The following SRGAP3 variants were observed in gnomAD, a reference collection of about 807,000 sequenced individuals.
SRGAP3 encodes the protein SLIT-ROBO Rho GTPase activating protein 3.
Under a neutral mutation model 121.1 loss-of-function variants are expected in SRGAP3, and 39 were observed. The observed-to-expected ratio is 0.32, with a 90% CI of 0.25 to 0.42. The LOEUF (loss-of-function observed/expected upper bound fraction) is 0.42. SRGAP3 is among the 10% of genes least tolerant of loss of function. The pLI, the probability that SRGAP3 is intolerant of heterozygous loss-of-function variation, is 1.00. For synonymous variants in SRGAP3, 601 were observed against 570.0 expected, an observed-to-expected ratio of 1.05 and a Z score of -0.77; for missense variants, 1,213 against 1,470.6, an observed-to-expected ratio of 0.82 and a Z score of 2.86.
At position 8,981,176 on chromosome 3, in the gene SRGAP3, C is replaced by A. The variant is rs1941401805; in HGVS notation, c.*4343G>T. The A allele has an allele frequency of 4.3e-6, 1 of 233,008 alleles. No individual in the cohort carries two copies. The highest frequency in any genetic ancestry group is 5.6e-5 in the Admixed American group (1 of 17,780). 14.4% of individuals were successfully genotyped at this position (233,008 alleles called of 1,614,324 possible). A position where few individuals can be genotyped will look rare whatever the true frequency, so the allele number is the denominator to read the frequency against. The stretch of plus-strand genomic sequence containing the variant: ...CCCTTCTCTCGGCTCCCCTGGGCAG[C>A]TTTGGATATGTGGGGAATGTTCTAT... On this transcript the variant is annotated 3_prime_UTR_variant, in exon 22 of 22. Transcript: ENST00000383836.
intron 3 of SRGAP3, among the ~76,000 whole-genome samples, chr3:9,310,443 T>A (rs1444311156): frequency 1.3e-5 from 2 of 152,198 alleles, no homozygotes; most frequent in African/African-American, 4.8e-5. Flanking sequence ...CTCATCAGTG[T>A]ATCCCATCTT....
intron 1 of SRGAP3, among the ~76,000 whole-genome samples, chr3:9,150,090 T>C (rs751902667): frequency 6.6e-6 from 1 of 151,902 alleles, no homozygotes; most frequent in Non-Finnish European, 1.5e-5. Context: ...AACACTGGGA[T>C]AGGGCAAGTG....
At chr3:9,182,038 T>C (rs1951422742) in intron 1 of SRGAP3, among the ~76,000 whole-genome samples, 1 of 151,776 alleles carries the variant, frequency 6.6e-6, no homozygotes, top group Non-Finnish European at 1.5e-5. Flanking sequence ...TAGCTGCATG[T>C]GGTGGCACAT....
rs554898321 is a variant in SRGAP3 at position 9,353,049 on chromosome 3, CT to C, written n.214+9790del. 3.5e-3 allele frequency among the ~76,000 whole-genome samples: 539 copies of C among 152,316 alleles called. 8 individuals are homozygous for C. The highest frequency in any genetic ancestry group is 0.012 in the African/African-American group (518 of 41,582). On this transcript the variant is annotated intron_variant and non_coding_transcript_variant, in intron 1 of 3. Transcript: ENST00000490889. Reference sequence around the variant, plus strand: ...CCTGCTGATCTTGCTGGTGATTCTGCTTTGCCTTTGGCACCGTGTTGCTGCT... The same window carrying C: ...CCTGCTGATCTTGCTGGTGATTCTGCTTGCCTTTGGCACCGTGTTGCTGCT...
At chr3:9,032,521 G>T in intron 12 of SRGAP3, 129 bp downstream of exon 12, 1 of 832,382 alleles carries the variant, frequency 1.2e-6, no homozygotes, top group Non-Finnish European at 2.0e-6. Context: ...CTAAGAGCAG[G>T]CTGCAGTGAG....
chr3:9,305,330 G>A (rs2125276289), intron 3 of SRGAP3, among the ~76,000 whole-genome samples: 1 of 147,170 alleles, frequency 6.8e-6, no homozygotes, highest in Middle Eastern at 3.5e-3. Context: ...GGGAGGGGCT[G>A]AAGCTACCCA....
intron 3 of SRGAP3, among the ~76,000 whole-genome samples, chr3:9,266,288 G>A (rs77856674): frequency 6.6e-6 from 1 of 152,028 alleles, no homozygotes; most frequent in African/African-American, 2.4e-5. Flanking sequence ...AGGTTGACAG[G>A]TGCAGCAAAC....
At chr3:9,277,607 CAAAAAAAA>C (rs35955575) in intron 3 of SRGAP3, among the ~76,000 whole-genome samples, 1 of 59,832 alleles carries the variant, frequency 1.7e-5, no homozygotes, top group Non-Finnish European at 3.0e-5. Flanking sequence ...GAAGCCATCT[CAAAAAAAA>C]AAAAAAAAAA....
intron 1 of SRGAP3, among the ~76,000 whole-genome samples, chr3:9,145,237 A>G (rs1382683819): frequency 6.6e-6 from 1 of 152,182 alleles, no homozygotes; most frequent in East Asian, 1.9e-4. Flanking sequence ...CTGGGATTAC[A>G]GGCGCATGCC....
intron 18 of SRGAP3, 30 bp from the exon 19 acceptor site, chr3:8,994,553 C>G: frequency 6.2e-7 from 1 of 1,608,884 alleles, no homozygotes; most frequent in Non-Finnish European, 8.5e-7. Flanking sequence ...AAAAGCGTCT[C>G]TGAGGTCAGC....
intron 3 of SRGAP3, among the ~76,000 whole-genome samples, chr3:9,262,544 A>AAAAC (rs921140852): frequency 5.4e-5 from 8 of 146,962 alleles, no homozygotes; most frequent in Non-Finnish European, 3.0e-5. Flanking sequence ...CAAAAAAAAA[A>AAAAC]AAAAAAAAAA....
chr3:9,264,620 A>C (rs1954318613), intron 3 of SRGAP3, among the ~76,000 whole-genome samples: 1 of 152,242 alleles, frequency 6.6e-6, no homozygotes, highest in African/African-American at 2.4e-5. Context: ...TCCCATTCAC[A>C]ATTGCTACAA....
At chr3:9,288,137 T>TTTG (rs1553567487) in intron 3 of SRGAP3, among the ~76,000 whole-genome samples, 3 of 150,536 alleles carry the variant, frequency 2.0e-5, no homozygotes, top group Non-Finnish European at 4.4e-5. Flanking sequence ...TTTGTTTTTT[T>TTTG]TTTTTTTTTT....
Position 8,981,892 on chromosome 3 carries a change from C to G in SRGAP3, c.*3627G>C, listed in dbSNP as rs1404483153. The G allele has an allele frequency of 4.4e-6, 1 of 227,980 alleles. No individual in the cohort carries two copies. Among genetic ancestry groups the G allele is most frequent in the Non-Finnish European group, 8.7e-6 (1 of 114,752 alleles). The allele number at this position is 227,980 out of a possible 1,614,324, so 14.1% of individuals were successfully genotyped here. A position where few individuals can be genotyped will look rare whatever the true frequency, so the allele number is the denominator to read the frequency against. On this transcript the variant is annotated 3_prime_UTR_variant, in exon 22 of 22. Transcript: ENST00000383836. ...AAGACTCCAAAGTCTAATTCCCAAG[C>G]TCGCAATTCCCTCCGATTGTGCACT...
intron 3 of SRGAP3, among the ~76,000 whole-genome samples, chr3:9,268,344 C>A (rs1391291477): frequency 6.6e-6 from 1 of 151,872 alleles, no homozygotes; most frequent in Admixed American, 6.6e-5. Flanking sequence ...CTCTTCCCCC[C>A]TCTCTCTTCT....
intron 2 of SRGAP3, among the ~76,000 whole-genome samples, chr3:9,118,360 G>A (rs1948878267): frequency 6.6e-6 from 1 of 152,142 alleles, no homozygotes; most frequent in African/African-American, 2.4e-5. Context: ...AAACATCTGT[G>A]TTCATGGAGC....
chr3:9,152,164 T>C (rs1197412114), intron 1 of SRGAP3, among the ~76,000 whole-genome samples: 1 of 152,236 alleles, frequency 6.6e-6, no homozygotes, highest in Admixed American at 6.5e-5. Flanking sequence ...TCATAGGTGC[T>C]CAATCCTTGT....
chr3:9,170,440 G>C (rs1247673734), intron 1 of SRGAP3, among the ~76,000 whole-genome samples: 1 of 152,180 alleles, frequency 6.6e-6, no homozygotes, highest in Non-Finnish European at 1.5e-5. Flanking sequence ...CCAGGGGAAA[G>C]AAACTCTCCA....
chr3:9,193,012 C>A, intron 1 of SRGAP3: 1 of 152,196 alleles, frequency 6.6e-6, no homozygotes, highest in Non-Finnish European at 1.5e-5. Flanking sequence ...GCTGGTGGGC[C>A]CTTGGTAGTG....
Sources: gnomAD v4.1 joint callset for allele counts (sites outside exome capture counted in the v4.1 genomes callset) on GRCh38, gnomAD v4.1.1 for gene constraint, MANE v1.5 for transcripts, NCBI Gene and HGNC (gene_info 2026-07-23, HGNC 2026-07-21) for gene names.